Variants in MOB4 observed in about 807,000 individuals in gnomAD.
The protein encoded by MOB4 is MOB-like protein phocein.
A neutral mutation model predicts 32.2 loss-of-function variants in MOB4; 4 were observed. The observed-to-expected ratio is 0.12, with a 90% CI of 0.06 to 0.28. MOB4 has a LOEUF of 0.28. MOB4 is among the 10% of genes least tolerant of loss of function. The probability of loss-of-function intolerance (pLI) is 1.00; values close to 1 mark genes in which losing one functional copy is unlikely to be tolerated. For missense variants in MOB4, 158 were observed against 271.2 expected (o/e 0.58, Z 2.93); for synonymous variants, 88 against 88.1 (o/e 1.00, Z 0.01).
intron 6 of MOB4, among the ~76,000 whole-genome samples, chr2:197,549,249 T>G (rs574187042): frequency 6.6e-6 from 1 of 152,198 alleles, no homozygotes; most frequent in African/African-American, 2.4e-5. Context: ...GCAGACTTTC[T>G]TATTTGTTTT....
In MOB4 at chr2:197,552,963, TCTC is replaced by T. The variant is rs2087121529; in HGVS notation, c.*2320_*2322del. Reference sequence around the variant, plus strand: ...GATCGTATAGTCAATTCATTCTTTTTCTCCTATCACATCTGGGAAAGTAGCTAA... The same window carrying T: ...GATCGTATAGTCAATTCATTCTTTTTCTATCACATCTGGGAAAGTAGCTAA... On this transcript the variant is annotated 3_prime_UTR_variant, in exon 8 of 8. Coordinates refer to ENST00000323303, the MANE Select transcript of MOB4 (RefSeq NM_015387.5). 1 of 152,228 alleles carries T rather than the reference TCTC, an allele frequency of 6.6e-6. No homozygotes were observed. The highest frequency in any genetic ancestry group is 2.4e-5 in the African/African-American group (1 of 41,460). The allele number at this position is 152,228 out of a possible 1,614,324, so 9.4% of individuals were successfully genotyped here. A position where few individuals can be genotyped will look rare whatever the true frequency, so the allele number is the denominator to read the frequency against.
upstream of MOB4, chr2:197,515,735 A>C: frequency 3.2e-6 from 1 of 312,850 alleles, no homozygotes; most frequent in South Asian, 4.2e-5. Context: ...CTTCCCGTGT[A>C]ACTAACGAGA....
chr2:197,548,243 A>T, intron 5 of MOB4, 93 bp from the exon 6 acceptor site: 1 of 1,034,206 alleles, frequency 9.7e-7, no homozygotes, highest in Non-Finnish European at 1.3e-6. Flanking sequence ...GAACATGCTC[A>T]TGTCTTTGGA....
At chr2:197,537,146 T>C (rs144965679) in intron 3 of MOB4, among the ~76,000 whole-genome samples, 76 of 152,326 alleles carry the variant, frequency 5.0e-4, no homozygotes, top group Non-Finnish European at 9.4e-4. Context: ...CTTTGGTAAA[T>C]AGAGATTAAT....
At chr2:197,516,635 A>G in intron 1 of MOB4, 1 of 472,366 alleles carries the variant, frequency 2.1e-6, no homozygotes, top group Non-Finnish European at 4.4e-6. Context: ...CAGCTTGTCT[A>G]GCCGGATCCG....
intron 2 of MOB4, among the ~76,000 whole-genome samples, chr2:197,527,746 G>C (rs762930729): frequency 1.3e-5 from 2 of 152,196 alleles, no homozygotes; most frequent in African/African-American, 2.4e-5. Flanking sequence ...TTTCACCCTT[G>C]AGTCTGAGGT....
Position 197,550,948 on chromosome 2 carries a change from T to C in MOB4, c.*302T>C. ...AACAATCATTGGATCACAATCCTCATCAGACAAACCCATCTGTAAAAAAAA... is the reference window on the plus strand; with the variant it reads ...AACAATCATTGGATCACAATCCTCACCAGACAAACCCATCTGTAAAAAAAA... On this transcript the variant is annotated 3_prime_UTR_variant, in exon 8 of 8. Transcript: ENST00000323303. The C allele has an allele frequency of 6.1e-6, 1 of 164,926 alleles. No individual in the cohort carries two copies. Among genetic ancestry groups the C allele is most frequent in the Non-Finnish European group, 1.3e-5 (1 of 76,760 alleles). 10.2% of individuals were successfully genotyped at this position (164,926 alleles called of 1,614,324 possible). A position where few individuals can be genotyped will look rare whatever the true frequency, so the allele number is the denominator to read the frequency against.
At chr2:197,538,132 C>G (rs1484710615) in intron 3 of MOB4, among the ~76,000 whole-genome samples, 1 of 150,032 alleles carries the variant, frequency 6.7e-6, no homozygotes, top group African/African-American at 2.5e-5. Context: ...TTTAGTGTTA[C>G]AAGGGTTTTT....
At chr2:197,536,266 C>G (rs867783730) in intron 3 of MOB4, among the ~76,000 whole-genome samples, 9 of 151,500 alleles carry the variant, frequency 5.9e-5, no homozygotes, top group African/African-American at 1.9e-4. Flanking sequence ...TGCAGTGGTG[C>G]AATCTTGGCG....
At chr2:197,531,659 G>A (rs1033381505) in intron 2 of MOB4, among the ~76,000 whole-genome samples, 4 of 151,894 alleles carry the variant, frequency 2.6e-5, no homozygotes, top group Admixed American at 6.6e-5. Context: ...TCTGCTTCCC[G>A]GGTTCAAGTG....
chr2:197,539,214 G>T (rs1235219921), intron 3 of MOB4, among the ~76,000 whole-genome samples: 3 of 151,802 alleles, frequency 2.0e-5, no homozygotes, highest in Non-Finnish European at 4.4e-5. Flanking sequence ...GAGGGAACAC[G>T]TTCAGTGTTT....
At chr2:197,535,681 C>T in intron 3 of MOB4, 51 bp downstream of exon 3, 4 of 1,552,532 alleles carry the variant, frequency 2.6e-6, no homozygotes, top group Non-Finnish European at 3.5e-6. Flanking sequence ...AACTAGCTTT[C>T]ATATTAATGA....
At chr2:197,533,566 A>G (rs2086743495) in intron 2 of MOB4, among the ~76,000 whole-genome samples, 1 of 152,096 alleles carries the variant, frequency 6.6e-6, no homozygotes, top group African/African-American at 2.4e-5. Context: ...CTCTACAAAA[A>G]ATACAAAAAT....
At chr2:197,530,815 C>G (rs1448939833) in intron 2 of MOB4, among the ~76,000 whole-genome samples, 1 of 151,874 alleles carries the variant, frequency 6.6e-6, no homozygotes, top group Non-Finnish European at 1.5e-5. Flanking sequence ...CCCAAGGTCT[C>G]TAACTCCTGA....
At chr2:197,545,750 G>A (rs1211235307) in intron 5 of MOB4, among the ~76,000 whole-genome samples, 3 of 152,144 alleles carry the variant, frequency 2.0e-5, no homozygotes, top group Non-Finnish European at 4.4e-5. Flanking sequence ...CAGAAATTAG[G>A]TTGGTTGTTG....
At chr2:197,518,517 C>T (rs1233297024) in intron 1 of MOB4, among the ~76,000 whole-genome samples, 1 of 151,480 alleles carries the variant, frequency 6.6e-6, no homozygotes, top group African/African-American at 2.4e-5. Context: ...CCGCCTGGGC[C>T]TCCCAAAATG....
At chr2:197,517,740 T>C (rs2086439789) in intron 1 of MOB4, among the ~76,000 whole-genome samples, 1 of 152,218 alleles carries the variant, frequency 6.6e-6, no homozygotes, top group Non-Finnish European at 1.5e-5. Flanking sequence ...GTTTGTCCTA[T>C]CTTGTTTATC....
At chr2:197,547,254 A>T (rs2087012785) in intron 5 of MOB4, among the ~76,000 whole-genome samples, 2 of 152,172 alleles carry the variant, frequency 1.3e-5, no homozygotes, top group African/African-American at 4.8e-5. Flanking sequence ...AAGTGGATTT[A>T]CGCAGTTCAA....
chr2:197,517,641 CT>C lies in MOB4; in HGVS notation c.60+1504del, dbSNP rs751597836. On this transcript the variant is annotated intron_variant, in intron 1 of 7. Coordinates refer to ENST00000323303, the MANE Select transcript of MOB4 (RefSeq NM_015387.5). ...AGTCACATAGAAGAAAACTTATTGT[CT>C]TTTTTTTTCACATTGTCATGGATCA... 1.8e-3 allele frequency among the ~76,000 whole-genome samples: 268 copies of C among 150,696 alleles called. 3 individuals are homozygous for C. In the East Asian group the frequency reaches 0.023, roughly 13 times the overall value.
Sources: allele counts gnomAD v4.1 joint callset (sites outside exome capture counted in the v4.1 genomes callset), GRCh38; gene constraint gnomAD v4.1.1; transcripts MANE v1.5; gene names NCBI Gene and HGNC (gene_info 2026-07-23, HGNC 2026-07-21).